Variants in CDH11 observed in about 807,000 individuals in gnomAD.
CDH11 encodes cadherin-11.
In CDH11, 11 loss-of-function variants were observed where a neutral mutation model predicts 67.8. The ratio of observed to expected loss-of-function variants is 0.16; its 90% CI spans 0.10 to 0.27. The LOEUF (loss-of-function observed/expected upper bound fraction) is 0.27. CDH11 is among the 10% of genes least tolerant of loss of function. The pLI, the probability that CDH11 is intolerant of heterozygous loss-of-function variation, is 1.00. For synonymous variants in CDH11, 419 were observed against 400.0 expected, an observed-to-expected ratio of 1.05 and a Z score of -0.57; for missense variants, 847 against 1,031.2, an observed-to-expected ratio of 0.82 and a Z score of 2.45.
chr16:65,059,262 A>C (rs1176069737), intron 1 of CDH11, among the ~76,000 whole-genome samples: 1 of 152,158 alleles, frequency 6.6e-6, no homozygotes, highest in African/African-American at 2.4e-5. Flanking sequence ...TACTGCCTGT[A>C]CAGAGGATGA....
chr16:64,974,614 T>C (rs2072111190), intron 8 of CDH11, among the ~76,000 whole-genome samples: 1 of 152,076 alleles, frequency 6.6e-6, no homozygotes, highest in African/African-American at 2.4e-5. Context: ...CAGCTCCCCA[T>C]AGGAATAGAA....
intron 2 of CDH11, among the ~76,000 whole-genome samples, chr16:65,029,172 A>G (rs1367504183): frequency 6.6e-6 from 1 of 152,208 alleles, no homozygotes; most frequent in Non-Finnish European, 1.5e-5. Context: ...AAAAGATTTA[A>G]GCATTACACA....
rs1431594246 is a variant in CDH11, at chr16:64,946,757, A to G, written c.*846T>C. 1.1e-6 allele frequency: 1 copy of G among 902,862 alleles called. No individual in the cohort carries two copies. Among genetic ancestry groups the G allele is most frequent in the African/African-American group, 1.8e-5 (1 of 56,246 alleles). 55.9% of individuals were successfully genotyped at this position (902,862 alleles called of 1,614,324 possible). A position where few individuals can be genotyped will look rare whatever the true frequency, so the allele number is the denominator to read the frequency against. On this transcript the variant is annotated 3_prime_UTR_variant, in exon 13 of 13. Transcript: ENST00000268603. ...ATTAGAAATACTTAACGTTTGTTTCAATGTTAAGAATCAAACCCAGAATTA... is the reference window on the plus strand; with the variant it reads ...ATTAGAAATACTTAACGTTTGTTTCGATGTTAAGAATCAAACCCAGAATTA...
At chr16:65,092,942 T>C (rs2074817151) in intron 1 of CDH11, among the ~76,000 whole-genome samples, 1 of 148,824 alleles carries the variant, frequency 6.7e-6, no homozygotes, top group Admixed American at 6.7e-5. Flanking sequence ...TTGTCTCCTT[T>C]TTTTTTTTTT....
intron 1 of CDH11, among the ~76,000 whole-genome samples, chr16:65,092,027 G>C (rs532846394): frequency 6.6e-6 from 1 of 152,058 alleles, no homozygotes; most frequent in African/African-American, 2.4e-5. Flanking sequence ...TTTATTACAC[G>C]ACTCTGTTCA....
intron 4 of CDH11, among the ~76,000 whole-genome samples, chr16:64,995,866 C>T (rs1489182042): frequency 1.3e-5 from 2 of 152,100 alleles, no homozygotes; most frequent in Non-Finnish European, 2.9e-5. Context: ...GGTCTAGTAT[C>T]CAGAATCTAT....
intron 1 of CDH11, among the ~76,000 whole-genome samples, chr16:65,101,511 T>C (rs574595654): frequency 4.6e-5 from 7 of 152,266 alleles, no homozygotes; most frequent in African/African-American, 1.7e-4. Context: ...ATTTATTCAT[T>C]CTTTCTTCCT....
At chr16:65,027,347 G>A (rs900809020) in intron 2 of CDH11, among the ~76,000 whole-genome samples, 11 of 152,200 alleles carry the variant, frequency 7.2e-5, no homozygotes, top group Admixed American at 2.6e-4. Flanking sequence ...TAACATCTCC[G>A]TAGGAGAAGC....
chr16:65,034,598 T>C (rs962134102), intron 2 of CDH11, among the ~76,000 whole-genome samples: 1 of 152,188 alleles, frequency 6.6e-6, no homozygotes, highest in African/African-American at 2.4e-5. Context: ...CTCCTTAGGT[T>C]GTTGGAAGGA....
intron 1 of CDH11, among the ~76,000 whole-genome samples, chr16:65,080,250 T>C (rs2074586536): frequency 6.6e-6 from 1 of 151,442 alleles, no homozygotes; most frequent in African/African-American, 2.4e-5. Context: ...GGCTACTCGG[T>C]ATTTTAACAT....
intron 1 of CDH11, among the ~76,000 whole-genome samples, chr16:65,076,867 T>G (rs2074519804): frequency 6.6e-6 from 1 of 152,144 alleles, no homozygotes; most frequent in South Asian, 2.1e-4. Flanking sequence ...CTCATCCTTT[T>G]TTATGGCTGC....
chr16:65,010,292 C>T (rs2073149419), intron 2 of CDH11, among the ~76,000 whole-genome samples: 1 of 152,098 alleles, frequency 6.6e-6, no homozygotes, highest in Non-Finnish European at 1.5e-5. Flanking sequence ...AGCTTTGTAA[C>T]CAATCCAATT....
chr16:65,057,413 A>C (rs1449636995), intron 1 of CDH11, among the ~76,000 whole-genome samples: 1 of 152,196 alleles, frequency 6.6e-6, no homozygotes, highest in Non-Finnish European at 1.5e-5. Context: ...TGCCCACAGC[A>C]CTAAGCCTCT....
intron 1 of CDH11, chr16:65,118,806 G>C (rs1309889960): frequency 6.6e-6 from 1 of 152,176 alleles, no homozygotes; most frequent in Non-Finnish European, 1.5e-5. Flanking sequence ...GAATGAGTAA[G>C]TATGCCTGTC....
intron 1 of CDH11, among the ~76,000 whole-genome samples, chr16:65,088,581 T>C (rs1019074834): frequency 2.0e-5 from 3 of 152,374 alleles, no homozygotes; most frequent in African/African-American, 7.2e-5. Flanking sequence ...GAATGAACTG[T>C]TACTATTCAA....
chr16:64,988,869 C>T (rs2072560249), intron 6 of CDH11, among the ~76,000 whole-genome samples: 1 of 152,178 alleles, frequency 6.6e-6, no homozygotes, highest in Non-Finnish European at 1.5e-5. Context: ...CCCCTTATTT[C>T]ACCTCCTTCG....
At chr16:65,030,184 T>C (rs2073614890) in intron 2 of CDH11, among the ~76,000 whole-genome samples, 1 of 152,138 alleles carries the variant, frequency 6.6e-6, no homozygotes, top group South Asian at 2.1e-4. Flanking sequence ...TTAACTTGTG[T>C]GGGAACTAGG....
chr16:65,066,615 C>T (rs1289908124), intron 1 of CDH11, among the ~76,000 whole-genome samples: 1 of 152,216 alleles, frequency 6.6e-6, no homozygotes, highest in Non-Finnish European at 1.5e-5. Context: ...CACATGTGGC[C>T]AGCACATAGC....
chr16:65,016,000 C>T (rs962218546), intron 2 of CDH11, among the ~76,000 whole-genome samples: 20 of 152,170 alleles, frequency 1.3e-4, no homozygotes, highest in African/African-American at 4.8e-4. Flanking sequence ...AGCCACTGAA[C>T]ATGCAGAAAG....
Sources: gnomAD v4.1 joint callset for allele counts (sites outside exome capture counted in the v4.1 genomes callset) on GRCh38, gnomAD v4.1.1 for gene constraint, MANE v1.5 for transcripts, NCBI Gene and HGNC (gene_info 2026-07-23, HGNC 2026-07-21) for gene names.